The following LRRC47 variants were observed in gnomAD, a reference collection of about 807,000 sequenced individuals.
LRRC47 encodes leucine-rich repeat-containing protein 47.
A neutral mutation model predicts 40.9 loss-of-function variants in LRRC47; 31 were observed. The observed-to-expected ratio is 0.76, with a 90% CI of 0.57 to 1.02. The LOEUF is 1.02. Ranked by LOEUF, LRRC47 falls within the 50% of genes least tolerant of loss-of-function variation. LRRC47 has a pLI of 0.00. For synonymous variants in LRRC47, 427 were observed against 371.9 expected (o/e 1.15, Z -1.70); for missense variants, 726 against 796.1 (o/e 0.91, Z 1.06).
At position 3,786,946 on chromosome 1, in the gene LRRC47, G is replaced by A. The variant is rs766225563; in HGVS notation, c.980C>T (p.Pro327Leu). 4 of 1,609,816 alleles carry A rather than the reference G, an allele frequency of 2.5e-6. No homozygotes were observed. The Admixed American group carries it at 6.7e-5, about 27-fold the overall frequency. ...GTAGGGCCGCACATCCCGGACCTCG[G>A]GGCTCACTCTGACTGTCAGAGGTAC... ...NPVPLTVRVS[P>L]EVRDVRPYIV... The change falls in exon 2 of 7, where the codon CCC (proline) becomes CTC (leucine). Residue 327 changes from proline (P) to leucine (L), a missense_variant. Pro to Leu is a moderately conservative substitution (Grantham distance 98). Transcript: ENST00000378251.
rs1185026547 is a variant in LRRC47, at chr1:3,785,131, T to C, written c.1150A>G (p.Lys384Glu). The change falls in exon 3 of 7, where the codon AAA becomes GAA. Residue 384 changes from lysine to glutamate, a missense_variant. Transcript: ENST00000378251. ...CGGGCGCAGTACAGCAGGGGCCCTT[T>C]GACGGCACGGAGCTCGTGGGTGGCA... is the stretch of plus-strand genomic sequence containing the variant. Reference protein sequence around the residue: ...TLATHELRAVKGPLLYCARPP... With the variant: ...TLATHELRAVEGPLLYCARPP... 6.2e-7 allele frequency: 1 copy of C among 1,601,588 alleles called. No individual in the cohort carries two copies. Among genetic ancestry groups the C allele is most frequent in the African/African-American group, 1.4e-5 (1 of 73,776 alleles).
In LRRC47 at chr1:3,796,460, A is replaced by T; in HGVS notation, c.17T>A (p.Val6Glu). MAAAA[V>E]SESWPELELA... ...CTCCAGCTCCGGCCAAGACTCTGAC[A>T]CCGCTGCCGCCGCCATGGCGCCTCA... The change falls in exon 1 of 7, where the codon GTG (valine) becomes GAG (glutamate). Residue 6 changes from valine (V) to glutamate (E), a missense_variant. Transcript: ENST00000378251. The T allele has an allele frequency of 6.6e-7, 1 of 1,510,262 alleles. No homozygotes were observed. The highest frequency in any genetic ancestry group is 8.8e-7 in the Non-Finnish European group (1 of 1,137,754). The allele number at this position is 1,510,262 out of a possible 1,614,324, so 93.6% of individuals were successfully genotyped here.
Position 3,795,991 on chromosome 1 carries a change from G to A in LRRC47, c.486C>T (p.Gly162=). 1 of 1,571,396 alleles carries A rather than the reference G, an allele frequency of 6.4e-7. No individual in the cohort carries two copies. Residue 162 remains glycine, a synonymous_variant, in exon 1 of 7, where the codon GGC becomes GGT. Transcript: ENST00000378251. ...CGGCGGGAAAGGAGTCTAGGCAATTGCCGGTGAGGTTGAGGCTCTGCAGGC... is the reference window on the plus strand; with the variant it reads ...CGGCGGGAAAGGAGTCTAGGCAATTACCGGTGAGGTTGAGGCTCTGCAGGC... The part of the protein sequence containing the change: ...APRLQSLNLT[G]NCLDSFPAEL...
chr1:3,791,191 G>GCACTGTCCACTGTT (rs1643623442), intron 1 of LRRC47, among the ~76,000 whole-genome samples: 1 of 152,180 alleles, frequency 6.6e-6, no homozygotes, highest in Non-Finnish European at 1.5e-5. Flanking sequence ...AAGAGCTGCA[G>GCACTGTCCACTGTT]CACTGTCCAC....
chr1:3,783,751 CCT>C, intron 4 of LRRC47: 3 of 518,448 alleles, frequency 5.8e-6, no homozygotes, highest in Non-Finnish European at 1.0e-5. Flanking sequence ...CCACCCGCCC[CCT>C]GTGGAATGGC....
At chr1:3,782,940 A>G in intron 4 of LRRC47, 177 bp from the exon 5 acceptor site, 1 of 597,664 alleles carries the variant, frequency 1.7e-6, no homozygotes, top group Non-Finnish European at 3.0e-6. Flanking sequence ...GTCTGTCATC[A>G]CTATGGTGAG....
chr1:3,790,490 C>G (rs1643617242), intron 1 of LRRC47, among the ~76,000 whole-genome samples: 1 of 152,250 alleles, frequency 6.6e-6, no homozygotes, highest in Non-Finnish European at 1.5e-5. Flanking sequence ...CACACGCCTG[C>G]GTGATGGCCA....
chr1:3,795,032 T>G (rs1643660066), intron 1 of LRRC47, among the ~76,000 whole-genome samples: 1 of 123,578 alleles, frequency 8.1e-6, no homozygotes, highest in African/African-American at 3.3e-5. Context: ...CCAGCCTGGG[T>G]GACAGGACCA....
chr1:3,784,771 G>A (rs907788313), intron 3 of LRRC47, among the ~76,000 whole-genome samples: 11 of 152,222 alleles, frequency 7.2e-5, no homozygotes, highest in Admixed American at 2.0e-4. Flanking sequence ...CAAGTTGGGC[G>A]GATCACCTGA....
rs1346939532 is a variant in LRRC47 at position 3,780,638 on chromosome 1, A to T, written c.*450T>A. 6.3e-6 allele frequency: 1 copy of T among 157,968 alleles called. No homozygotes were observed. The highest frequency in any genetic ancestry group is 1.4e-5 in the Non-Finnish European group (1 of 71,978). 9.8% of individuals were successfully genotyped at this position (157,968 alleles called of 1,614,324 possible). A position where few individuals can be genotyped will look rare whatever the true frequency, so the allele number is the denominator to read the frequency against. On this transcript the variant is annotated 3_prime_UTR_variant, in exon 7 of 7. Coordinates refer to ENST00000378251, the MANE Select transcript of LRRC47 (RefSeq NM_020710.3). The stretch of plus-strand genomic sequence containing the variant: ...GAAAAACAGAACAACGAATACATAC[A>T]TCTTAAAAAATGCTGGGGTGGGCCA...
At chr1:3,784,254 G>A in intron 3 of LRRC47, 143 bp from the exon 4 acceptor site, 1 of 684,084 alleles carries the variant, frequency 1.5e-6, no homozygotes, top group Non-Finnish European at 2.5e-6. Context: ...CATCCCACGG[G>A]ACCACGCAGC....
chr1:3,795,105 T>C (rs1307588997), intron 1 of LRRC47, among the ~76,000 whole-genome samples: 3 of 93,608 alleles, frequency 3.2e-5, no homozygotes, highest in African/African-American at 1.3e-4. Context: ...AGACGAAAAA[T>C]GGGGGAAGAA....
chr1:3,796,356 G>A lies in LRRC47; in HGVS notation c.121C>T (p.Gln41Ter). 2.0e-6 allele frequency: 3 copies of A among 1,510,622 alleles called. No homozygotes were observed. Among genetic ancestry groups the A allele is most frequent in the South Asian group, 1.2e-5 (1 of 81,760 alleles). The allele number at this position is 1,510,622 out of a possible 1,614,324, so 93.6% of individuals were successfully genotyped here. Reference protein sequence around the residue: ...LEERVRAAGGQLPPRLFTLPL... With the variant: ...LEERVRAAGG ...AGGGTGAAAAGCCGCGGCGGCAGCT[G>A]CCCACCCGCCGCCCGCACTCGCTCC... The change falls in exon 1 of 7, where the codon CAG becomes TAG. Residue 41 changes from glutamine (Q) to a stop codon, truncating the protein, a stop_gained. Transcript: ENST00000378251. LOFTEE classifies it high-confidence loss of function.
Position 3,795,934 on chromosome 1 carries a change from G to A in LRRC47, c.543C>T (p.Leu181=). 3 of 1,602,410 alleles carry A rather than the reference G, an allele frequency of 1.9e-6. No homozygotes were observed. In the South Asian group the frequency reaches 3.3e-5, roughly 18 times the overall value. The change falls in exon 1 of 7, where the codon CTC becomes CTT. Residue 181 remains leucine, a synonymous_variant. Coordinates refer to ENST00000378251, the MANE Select transcript of LRRC47 (RefSeq NM_020710.3). ...AGTTGTCAGCAGCCGCCAGTTCACT[G>A]AGCAGGGGCAGCGCGCCGGGGCGAA... is the stretch of plus-strand genomic sequence containing the variant. ...ELFRPGALPL[L]SELAAADNCL... is the part of the protein sequence containing the mutation.
rs1489167646 is a variant in LRRC47, at chr1:3,781,216, T to C, written c.1624A>G (p.Lys542Glu). ...ACCACCAGAAGGGAGGGCCCGTCCT[T>C]TCCAGCACTGGGATTCGTTGTGGGA... ...PDPTTNPSAG[K>E]DGPSLLVVEQ... The change falls in exon 7 of 7, where the codon AAG (lysine) becomes GAG (glutamate). Residue 542 changes from lysine to glutamate, a missense_variant. By Grantham distance (56) the Lys-to-Glu change is moderately conservative. Transcript: ENST00000378251. The C allele has an allele frequency of 2.5e-6, 4 of 1,614,224 alleles. No homozygotes were observed. The highest frequency in any genetic ancestry group is 2.2e-5 in the South Asian group (2 of 91,086).
intron 4 of LRRC47, 33 bp downstream of exon 4, chr1:3,783,963 G>GCCCGGC (rs1309069646): frequency 1.3e-5 from 20 of 1,562,070 alleles, no homozygotes; most frequent in Non-Finnish European, 1.6e-5. Context: ...ACTCCCCCGG[G>GCCCGGC]CCCGGCCCCA....
At position 3,787,325 on chromosome 1, in the gene LRRC47, A is replaced by C. The variant is rs770062237; in HGVS notation, c.616-15T>G. ...AGGTCCAACGTCTGCAAAGAGAAAC[A>C]TGGACGCGTCAGACGCCCGGACTCT... On this transcript the variant is annotated splice_polypyrimidine_tract_variant and intron_variant, in intron 1 of 6. Coordinates refer to ENST00000378251, the MANE Select transcript of LRRC47 (RefSeq NM_020710.3). The C allele has an allele frequency of 4.4e-6, 7 of 1,600,338 alleles. No individual in the cohort carries two copies. The highest frequency in any genetic ancestry group is 4.5e-5 in the East Asian group (2 of 44,818).
At position 3,780,804 on chromosome 1, in the gene LRRC47, C is replaced by T. The variant is rs897976445; in HGVS notation, c.*284G>A. 10 of 388,526 alleles carry T rather than the reference C, an allele frequency of 2.6e-5. No individual in the cohort carries two copies. Among genetic ancestry groups the T allele is most frequent in the Non-Finnish European group, 3.3e-5 (7 of 211,410 alleles). The allele number at this position is 388,526 out of a possible 1,614,324, so 24.1% of individuals were successfully genotyped here. On this transcript the variant is annotated 3_prime_UTR_variant, in exon 7 of 7. Coordinates refer to ENST00000378251, the MANE Select transcript of LRRC47 (RefSeq NM_020710.3). ...CATCCTGGTCAAAATGGTGAAACCC[C>T]GTCTCTACTAAAAATACAAAAATTA...
intron 5 of LRRC47, 109 bp downstream of exon 5, chr1:3,782,552 C>T (rs1453567166): frequency 1.4e-6 from 1 of 727,240 alleles, no homozygotes; most frequent in Non-Finnish European, 2.5e-6. Flanking sequence ...CCTCGGTCTC[C>T]CAAAATGCTG....
Sources: allele counts gnomAD v4.1 joint callset (sites outside exome capture counted in the v4.1 genomes callset), GRCh38; gene constraint gnomAD v4.1.1; transcripts MANE v1.5; gene names NCBI Gene and HGNC (gene_info 2026-07-23, HGNC 2026-07-21).